TRAF3IP3: variants seen among roughly 807,000 people sequenced by gnomAD.
TRAF3IP3 encodes TRAF3-interacting JNK-activating modulator.
In TRAF3IP3, 64 loss-of-function variants were observed where a neutral mutation model predicts 86.5. That is an observed-to-expected ratio of 0.74 (90% CI 0.60 to 0.91). The LOEUF is 0.91. Among genes scored for constraint, TRAF3IP3 ranks in the 40% least tolerant of loss-of-function variants. The pLI is 0.00. For synonymous variants in TRAF3IP3, 220 were observed against 243.9 expected (o/e 0.90, Z 0.91); for missense variants, 579 against 642.9 (o/e 0.90, Z 1.07).
chr1:209,770,821 A>T (rs2077473044), intron 8 of TRAF3IP3, among the ~76,000 whole-genome samples: 1 of 74,858 alleles, frequency 1.3e-5, no homozygotes. Flanking sequence ...GTGCAGGTGG[A>T]GGTGTGTGTC....
At position 209,763,502 on chromosome 1, in the gene TRAF3IP3, A is replaced by G; in HGVS notation, c.617A>G (p.Gln206Arg). 6.2e-7 allele frequency: 1 copy of G among 1,614,198 alleles called. No individual in the cohort carries two copies. The highest frequency in any genetic ancestry group is 8.5e-7 in the Non-Finnish European group (1 of 1,180,030). ...TGCCCGCACCCCCAGGAGGCCCTACAAAGGGAGCTGGTCCTAAAACAGAAA... is the reference window on the plus strand; with the variant it reads ...TGCCCGCACCCCCAGGAGGCCCTACGAAGGGAGCTGGTCCTAAAACAGAAA... ...QLSDYLKEAL[Q>R]RELVLKQKMV... The change falls in exon 8 of 17, where the codon CAA becomes CGA. Residue 206 changes from glutamine (Q) to arginine (R), a missense_variant. Physicochemically the swap from Gln to Arg is conservative, Grantham distance 43 (BLOSUM62 1). Transcript: ENST00000367025.
rs368836902 is a variant in TRAF3IP3, at chr1:209,760,295, G to A, written c.256G>A (p.Glu86Lys). The change falls in exon 3 of 17, where the codon GAG (glutamate) becomes AAG (lysine). Residue 86 changes from glutamate (E) to lysine (K), a missense_variant. By Grantham distance (56) the Glu-to-Lys change is moderately conservative (BLOSUM62 1). Transcript: ENST00000367025. ...CAAAGCGCAGCATCCCCAGGCCAGG[G>A]AGCAAGGGCCCTCCAGGCGGCCAGG... Reference protein sequence around the residue: ...KGKAQHPQAREQGPSRRPGQV... With the variant: ...KGKAQHPQARKQGPSRRPGQV... The A allele has an allele frequency of 4.9e-5, 79 of 1,614,186 alleles. No homozygotes were observed. Among genetic ancestry groups the A allele is most frequent in the African/African-American group, 1.1e-4 (8 of 75,064 alleles).
chr1:209,771,412 T>C (rs1224648680), intron 8 of TRAF3IP3, among the ~76,000 whole-genome samples: 2 of 144,526 alleles, frequency 1.4e-5, no homozygotes, highest in Non-Finnish European at 3.0e-5. Context: ...TGTGAAGGTA[T>C]GCATGTGCAG....
Position 209,762,669 on chromosome 1 carries a change from G to A in TRAF3IP3, c.493+7G>A. The A allele has an allele frequency of 7.6e-7, 1 of 1,322,228 alleles. No homozygotes were observed. Among genetic ancestry groups the A allele is most frequent in the Non-Finnish European group, 9.6e-7 (1 of 1,037,770 alleles). 81.9% of individuals were successfully genotyped at this position (1,322,228 alleles called of 1,614,324 possible). A position where few individuals can be genotyped will look rare whatever the true frequency, so the allele number is the denominator to read the frequency against. On this transcript the variant is annotated splice_region_variant and intron_variant, in intron 4 of 16. Coordinates refer to ENST00000367025, the MANE Select transcript of TRAF3IP3 (RefSeq NM_025228.4). ...CCACCCAAACACCACCGTGGTAAGA[G>A]CAGAGCCTCCCTCACTCCACAGGGC...
rs1227306542 is a variant in TRAF3IP3, at chr1:209,762,671, A to G, written c.493+9A>G. ...ACCCAAACACCACCGTGGTAAGAGC[A>G]GAGCCTCCCTCACTCCACAGGGCCT... On this transcript the variant is annotated intron_variant, in intron 4 of 16. Transcript: ENST00000367025. The G allele has an allele frequency of 1.5e-6, 2 of 1,318,878 alleles. No individual in the cohort carries two copies. The highest frequency in any genetic ancestry group is 9.7e-7 in the Non-Finnish European group (1 of 1,035,750). 81.7% of individuals were successfully genotyped at this position (1,318,878 alleles called of 1,614,324 possible).
chr1:209,773,686 G>C (rs576544856), intron 9 of TRAF3IP3, among the ~76,000 whole-genome samples: 1 of 152,322 alleles, frequency 6.6e-6, no homozygotes, highest in South Asian at 2.1e-4. Context: ...AGACAGTCCT[G>C]GCCACATTGA....
chr1:209,762,574 C>T lies in TRAF3IP3; in HGVS notation c.405C>T (p.Cys135=). The part of the protein sequence containing the change: ...PAQHPPPSGI[C]RDLSDHLSSQ... The stretch of plus-strand genomic sequence containing the variant: ...AGCATCCTCCTCCCTCAGGCATCTG[C>T]AGGGATCTGTCTGACCACCTCTCCT... Residue 135 remains cysteine (C), a synonymous_variant, in exon 4 of 17, where the codon TGC becomes TGT. Transcript: ENST00000367025. 1 of 1,499,406 alleles carries T rather than the reference C, an allele frequency of 6.7e-7. No individual in the cohort carries two copies. Among genetic ancestry groups the T allele is most frequent in the South Asian group, 1.4e-5 (1 of 70,414 alleles). 92.9% of individuals were successfully genotyped at this position (1,499,406 alleles called of 1,614,324 possible). A position where few individuals can be genotyped will look rare whatever the true frequency, so the allele number is the denominator to read the frequency against.
At chr1:209,778,077 T>G in intron 12 of TRAF3IP3, 34 bp from the exon 13 acceptor site, 1 of 1,596,578 alleles carries the variant, frequency 6.3e-7, no homozygotes, top group Non-Finnish European at 8.6e-7. Flanking sequence ...AGTCTTGGGT[T>G]CCTTTATTTT....
intron 7 of TRAF3IP3, 45 bp downstream of exon 7, chr1:209,763,437 C>T (rs143123645): frequency 2.5e-6 from 4 of 1,612,820 alleles, no homozygotes; most frequent in East Asian, 4.5e-5. Context: ...CATCCACTTA[C>T]CCCCGATCCT....
intron 3 of TRAF3IP3, 119 bp from the exon 4 acceptor site, chr1:209,762,396 G>C (rs1012671033): frequency 7.8e-6 from 8 of 1,029,820 alleles, no homozygotes; most frequent in Non-Finnish European, 1.0e-5. Flanking sequence ...TGGGCGGGGG[G>C]ACAATAAACA....
rs750440768 is a variant in TRAF3IP3 at position 209,762,868 on chromosome 1, C to T, written c.549C>T (p.Thr183=). The change falls in exon 5 of 17, where the codon ACC becomes ACT. Residue 183 remains threonine (T), a splice_region_variant and synonymous_variant. Coordinates refer to ENST00000367025, the MANE Select transcript of TRAF3IP3 (RefSeq NM_025228.4). The part of the protein sequence containing the change: ...PTIKNDASQQ[T]NYGVAVLDKE... ...TTAAGAACGATGCCAGTCAGCAAAC[C>T]AAGTGAGTTCCTGACCCTAACCCTC... is the stretch of plus-strand genomic sequence containing the variant. The T allele has an allele frequency of 1.2e-6, 2 of 1,614,150 alleles. No homozygotes were observed. The highest frequency in any genetic ancestry group is 2.2e-5 in the South Asian group (2 of 91,072).
intron 12 of TRAF3IP3, 150 bp from the exon 13 acceptor site, chr1:209,777,961 T>C (rs1417406820): frequency 1.4e-6 from 1 of 697,836 alleles, no homozygotes; most frequent in Non-Finnish European, 2.4e-6. Context: ...GTTTACCTCT[T>C]CAGAACTGGG....
At position 209,781,720 on chromosome 1, in the gene TRAF3IP3, G is replaced by A. The variant is rs911862854; in HGVS notation, c.1563+262G>A. 26 of 481,142 alleles carry A rather than the reference G, an allele frequency of 5.4e-5. No homozygotes were observed. In the Middle Eastern group the frequency reaches 2.2e-3, roughly 40 times the overall value. 29.8% of individuals were successfully genotyped at this position (481,142 alleles called of 1,614,324 possible). A position where few individuals can be genotyped will look rare whatever the true frequency, so the allele number is the denominator to read the frequency against. On this transcript the variant is annotated intron_variant, in intron 16 of 16. Transcript: ENST00000367025. ...AGTATGAAAGGGTGTTCTTTTAGCCGATGATAAGCATGGTGGCAAGAACAG... is the reference window on the plus strand; with the variant it reads ...AGTATGAAAGGGTGTTCTTTTAGCCAATGATAAGCATGGTGGCAAGAACAG...
intron 8 of TRAF3IP3, among the ~76,000 whole-genome samples, chr1:209,766,907 G>A (rs2102456163): frequency 6.6e-6 from 1 of 152,306 alleles, no homozygotes; most frequent in East Asian, 1.9e-4. Context: ...GCTGAATCTT[G>A]AAGGATGAGT....
chr1:209,771,302 C>T (rs569733213), intron 8 of TRAF3IP3, among the ~76,000 whole-genome samples: 1 of 130,022 alleles, frequency 7.7e-6, no homozygotes, highest in African/African-American at 3.4e-5. Flanking sequence ...TGTGCGTGTG[C>T]ATGTGAAGGT....
intron 8 of TRAF3IP3, among the ~76,000 whole-genome samples, chr1:209,770,051 G>A (rs1005654543): frequency 3.9e-5 from 6 of 152,230 alleles, no homozygotes; most frequent in Middle Eastern, 3.2e-3. Flanking sequence ...TAGCTACTAA[G>A]CTGAAATACT....
intron 8 of TRAF3IP3, among the ~76,000 whole-genome samples, chr1:209,771,502 G>A (rs1376884803): frequency 7.6e-6 from 1 of 131,260 alleles, no homozygotes; most frequent in African/African-American, 3.1e-5. Context: ...TGCATGTGAA[G>A]GTGTGTGTGA....
chr1:209,760,499 T>C, intron 3 of TRAF3IP3, 115 bp downstream of exon 3: 1 of 895,666 alleles, frequency 1.1e-6, no homozygotes. Flanking sequence ...TCTTCCTCAG[T>C]CATATAGTAA....
intron 8 of TRAF3IP3, among the ~76,000 whole-genome samples, chr1:209,767,564 C>T (rs2077380450): frequency 6.6e-6 from 1 of 151,952 alleles, no homozygotes; most frequent in African/African-American, 2.4e-5. Flanking sequence ...GTGGTACACA[C>T]CTATAGTCAC....
Sources: allele counts gnomAD v4.1 joint callset (sites outside exome capture counted in the v4.1 genomes callset), GRCh38; gene constraint gnomAD v4.1.1; transcripts MANE v1.5; gene names NCBI Gene and HGNC (gene_info 2026-07-23, HGNC 2026-07-21).